The following SEPTIN7 variants were observed in gnomAD, a reference collection of about 807,000 sequenced individuals.
SEPTIN7 encodes the protein septin 7.
A neutral mutation model predicts 63.3 loss-of-function variants in SEPTIN7; 10 were observed. The ratio of observed to expected loss-of-function variants is 0.16; its 90% CI spans 0.10 to 0.27. The LOEUF is 0.27. Ranked by LOEUF, SEPTIN7 falls within the 10% of genes least tolerant of loss-of-function variation. SEPTIN7 has a pLI of 1.00. For missense variants in SEPTIN7, 310 were observed against 521.0 expected (o/e 0.59, Z 3.94); for synonymous variants, 131 against 165.3 (o/e 0.79, Z 1.59).
intron 10 of SEPTIN7, chr7:35,888,909 C>A: frequency 3.5e-6 from 1 of 284,822 alleles, no homozygotes. Flanking sequence ...TTTTTCTCCA[C>A]TTAGAGAAAC....
chr7:35,817,965 T>C (rs1160697061), intron 1 of SEPTIN7, among the ~76,000 whole-genome samples: 1 of 152,018 alleles, frequency 6.6e-6, no homozygotes, highest in Non-Finnish European at 1.5e-5. Context: ...TACATTACTT[T>C]ACAATCTAGA....
upstream of SEPTIN7, chr7:35,801,049 G>C: frequency 2.1e-6 from 1 of 487,552 alleles, no homozygotes. Flanking sequence ...GACGGAGGAG[G>C]GAGCGGGAGT....
At chr7:35,860,260 T>C (rs1158521324) in intron 3 of SEPTIN7, among the ~76,000 whole-genome samples, 1 of 152,138 alleles carries the variant, frequency 6.6e-6, no homozygotes, top group Non-Finnish European at 1.5e-5. Flanking sequence ...GCTCTGTCCC[T>C]CTTTTATGTT....
rs1415437611 is a variant in SEPTIN7 at position 35,906,407 on chromosome 7, G to A, written c.*2114G>A. On this transcript the variant is annotated 3_prime_UTR_variant, in exon 14 of 14. Coordinates refer to ENST00000350320, the MANE Select transcript of SEPTIN7 (RefSeq NM_001788.6). The stretch of plus-strand genomic sequence containing the variant: ...TCTTTTTGCCATTTGGCCTGTGGAT[G>A]TCTGAGAAGATCATTCACAATACAT... 1 of 152,190 alleles carries A rather than the reference G, an allele frequency of 6.6e-6. No individual in the cohort carries two copies. Among genetic ancestry groups the A allele is most frequent in the Non-Finnish European group, 1.5e-5 (1 of 68,034 alleles). 9.4% of individuals were successfully genotyped at this position (152,190 alleles called of 1,614,324 possible). A position where few individuals can be genotyped will look rare whatever the true frequency, so the allele number is the denominator to read the frequency against.
intron 4 of SEPTIN7, among the ~76,000 whole-genome samples, chr7:35,863,936 G>T (rs1010953619): frequency 6.8e-6 from 1 of 147,032 alleles, no homozygotes; most frequent in Non-Finnish European, 1.5e-5. Context: ...TATCTAGTAT[G>T]GTAGTCATTT....
intron 1 of SEPTIN7, among the ~76,000 whole-genome samples, chr7:35,820,953 C>T (rs1054146997): frequency 1.3e-5 from 2 of 152,148 alleles, no homozygotes; most frequent in African/African-American, 4.8e-5. Flanking sequence ...ACTGAAATCT[C>T]TGCTTGGTTA....
At chr7:35,892,835 T>C (rs1182027890) in intron 11 of SEPTIN7, among the ~76,000 whole-genome samples, 1 of 152,106 alleles carries the variant, frequency 6.6e-6, no homozygotes, top group Non-Finnish European at 1.5e-5. Context: ...ACTTTGCCTA[T>C]GCAAATAAAA....
chr7:35,889,835 T>C (rs1264529538), intron 10 of SEPTIN7, among the ~76,000 whole-genome samples: 2 of 152,050 alleles, frequency 1.3e-5, no homozygotes, highest in Non-Finnish European at 2.9e-5. Flanking sequence ...TGAGCCAGCG[T>C]GCCCAGCCAA....
chr7:35,834,523 A>G (rs370941222), intron 3 of SEPTIN7, among the ~76,000 whole-genome samples: 4 of 152,032 alleles, frequency 2.6e-5, no homozygotes, highest in African/African-American at 9.7e-5. Context: ...CTTCCTAATG[A>G]TAAGACTTCA....
chr7:35,884,127 T>G (rs1787075181), intron 9 of SEPTIN7, 140 bp downstream of exon 9: 1 of 502,596 alleles, frequency 2.0e-6, no homozygotes, highest in Non-Finnish European at 3.6e-6. Context: ...CAGGTTCTTG[T>G]AGTCTCAATT....
At chr7:35,876,187 T>C (rs1786464611) in intron 6 of SEPTIN7, among the ~76,000 whole-genome samples, 1 of 152,212 alleles carries the variant, frequency 6.6e-6, no homozygotes, top group South Asian at 2.1e-4. Flanking sequence ...ATGTTTATTT[T>C]TAAATATCTT....
At chr7:35,827,726 A>G (rs1254307553) in intron 1 of SEPTIN7, among the ~76,000 whole-genome samples, 1 of 152,146 alleles carries the variant, frequency 6.6e-6, no homozygotes, top group Admixed American at 6.6e-5. Context: ...CCTGACTTCA[A>G]GAGACCTGCC....
At chr7:35,830,387 T>C (rs920464747) in intron 1 of SEPTIN7, among the ~76,000 whole-genome samples, 1 of 152,124 alleles carries the variant, frequency 6.6e-6, no homozygotes, top group African/African-American at 2.4e-5. Flanking sequence ...GTGGCTTTCA[T>C]TGGTACACAT....
intron 1 of SEPTIN7, among the ~76,000 whole-genome samples, chr7:35,802,710 C>G (rs1350182924): frequency 6.6e-6 from 1 of 151,784 alleles, no homozygotes; most frequent in Non-Finnish European, 1.5e-5. Flanking sequence ...TCCTGATAGA[C>G]TGAAGGGGGG....
At chr7:35,910,170 C>G (rs1788716032), downstream of SEPTIN7, among the ~76,000 whole-genome samples, 1 of 152,204 alleles carries the variant, frequency 6.6e-6, no homozygotes. Context: ...TTTTATGACC[C>G]AGCTCTGAGA....
chr7:35,903,002 G>A (rs909223320), intron 12 of SEPTIN7, 74 bp from the exon 13 acceptor site: 2 of 1,469,114 alleles, frequency 1.4e-6, no homozygotes, highest in African/African-American at 2.9e-5. Context: ...TTATCATTAG[G>A]GTGTCTGGAT....
Position 35,801,215 on chromosome 7 carries a change from G to T in SEPTIN7, c.6G>T (p.Ser2=), listed in dbSNP as rs1357566966. The T allele has an allele frequency of 6.6e-7, 1 of 1,520,028 alleles. No individual in the cohort carries two copies. Among genetic ancestry groups the T allele is most frequent in the Non-Finnish European group, 8.8e-7 (1 of 1,133,342 alleles). 94.2% of individuals were successfully genotyped at this position (1,520,028 alleles called of 1,614,324 possible). The change falls in exon 1 of 14, where the codon TCG becomes TCT. Residue 2 remains serine, a synonymous_variant. Coordinates refer to ENST00000350320, the MANE Select transcript of SEPTIN7 (RefSeq NM_001788.6). ...GTCGCGGAGGGGGGGAGGGGATGTC[G>T]GTCAGTGCGAGATCCGCTGCTGCTG... M[S]VSARSAAAEE...
rs1788633690 is a variant in SEPTIN7 at position 35,906,926 on chromosome 7, AGT to A, written c.*2634_*2635del. On this transcript the variant is annotated 3_prime_UTR_variant, in exon 14 of 14. Transcript: ENST00000350320. ...TGCATGAGGAGCGAAATGTTGACTC[AGT>A]TATCTAGATCATGGTCTCCAAACCT... The A allele has an allele frequency of 2.0e-5, 3 of 152,246 alleles. No homozygotes were observed. Among genetic ancestry groups the A allele is most frequent in the Non-Finnish European group, 4.4e-5 (3 of 68,040 alleles). 9.4% of individuals were successfully genotyped at this position (152,246 alleles called of 1,614,324 possible).
chr7:35,801,591 C>G (rs1191205410), intron 1 of SEPTIN7, among the ~76,000 whole-genome samples: 2 of 152,108 alleles, frequency 1.3e-5, no homozygotes, highest in African/African-American at 4.8e-5. Flanking sequence ...CTCAGCCCTG[C>G]CCTTGCTTCT....
Sources: allele counts gnomAD v4.1 joint callset (sites outside exome capture counted in the v4.1 genomes callset), GRCh38; gene constraint gnomAD v4.1.1; transcripts MANE v1.5; gene names NCBI Gene and HGNC (gene_info 2026-07-23, HGNC 2026-07-21).